Variants in CTLA4 observed in about 807,000 individuals in gnomAD.
CTLA4 encodes cytotoxic T-lymphocyte protein 4.
In CTLA4, 3 loss-of-function variants were observed where a neutral mutation model predicts 20.4. That is an observed-to-expected ratio of 0.15 (90% CI 0.07 to 0.38). The LOEUF is 0.38. Ranked by LOEUF, CTLA4 falls within the 10% of genes least tolerant of loss-of-function variation. The pLI, the probability that CTLA4 is intolerant of heterozygous loss-of-function variation, is 1.00. For missense variants in CTLA4, 184 were observed against 276.8 expected, an observed-to-expected ratio of 0.66 and a Z score of 2.38; for synonymous variants, 100 against 105.2, an observed-to-expected ratio of 0.95 and a Z score of 0.30.
At position 203,870,677 on chromosome 2, in the gene CTLA4, T is replaced by G. The variant is rs764639840; in HGVS notation, c.201T>G (p.Thr67=). The part of the protein sequence containing the change: ...VCEYASPGKA[T]EVRVTVLRQA... ...AGTATGCATCTCCAGGCAAAGCCAC[T>G]GAGGTCCGGGTGACAGTGCTTCGGC... Residue 67 remains threonine (T), a synonymous_variant, in exon 2 of 4, where the codon ACT becomes ACG. Coordinates refer to ENST00000648405, the MANE Select transcript of CTLA4 (RefSeq NM_005214.5). This position sits in a 1 kb window ranked among gnomAD's most constrained non-coding sequence, Gnocchi z 5.3. The G allele has an allele frequency of 6.2e-7, 1 of 1,614,180 alleles. No individual in the cohort carries two copies. The highest frequency in any genetic ancestry group is 1.1e-5 in the South Asian group (1 of 91,080).
In CTLA4 at chr2:203,870,776, T is replaced by C. The variant is rs1233838269; in HGVS notation, c.300T>C (p.Asp100=). 1 of 1,614,050 alleles carries C rather than the reference T, an allele frequency of 6.2e-7. No individual in the cohort carries two copies. Among genetic ancestry groups the C allele is most frequent in the Admixed American group, 1.7e-5 (1 of 60,006 alleles). Residue 100 remains aspartate (D), a synonymous_variant, in exon 2 of 4, where the codon GAT becomes GAC. Coordinates refer to ENST00000648405, the MANE Select transcript of CTLA4 (RefSeq NM_005214.5). This position sits in a 1 kb window ranked among gnomAD's most constrained non-coding sequence, Gnocchi z 5.3. ...GGAATGAGTTGACCTTCCTAGATGA[T>C]TCCATCTGCACGGGCACCTCCAGTG... ...MMGNELTFLD[D]SICTGTSSGN...
chr2:203,870,982 C>T lies in CTLA4; in HGVS notation c.457+49C>T, dbSNP rs1482472029. On this transcript the variant is annotated intron_variant, in intron 2 of 3. Transcript: ENST00000648405. This position sits in a 1 kb window ranked among gnomAD's most constrained non-coding sequence, Gnocchi z 5.3. The stretch of plus-strand genomic sequence containing the variant: ...TTGACACCTGTTGCATTGCAGTCTT[C>T]TATGCACAAAAACAGTTTTGTTCCT... The T allele has an allele frequency of 1.4e-6, 2 of 1,440,826 alleles. No homozygotes were observed. Among genetic ancestry groups the T allele is most frequent in the Middle Eastern group, 1.8e-4 (1 of 5,642 alleles). The allele number at this position is 1,440,826 out of a possible 1,614,324, so 89.3% of individuals were successfully genotyped here. A position where few individuals can be genotyped will look rare whatever the true frequency, so the allele number is the denominator to read the frequency against.
At chr2:203,871,207 T>C (rs1364529827) in intron 2 of CTLA4, among the ~76,000 whole-genome samples, 171 bp from the exon 3 acceptor site, 2 of 152,174 alleles carry the variant, frequency 1.3e-5, no homozygotes, top group East Asian at 3.9e-4. Flanking sequence ...GATATGATGC[T>C]CCTGGGGAAG....
chr2:203,868,120 C>T lies in CTLA4; in HGVS notation c.109+69C>T, dbSNP rs1042556106. 1.5e-5 allele frequency: 18 copies of T among 1,181,162 alleles called. No homozygotes were observed. In the Admixed American group the frequency reaches 1.8e-4, roughly 12 times the overall value. The allele number at this position is 1,181,162 out of a possible 1,614,324, so 73.2% of individuals were successfully genotyped here. A position where few individuals can be genotyped will look rare whatever the true frequency, so the allele number is the denominator to read the frequency against. On this transcript the variant is annotated intron_variant, in intron 1 of 3. Coordinates refer to ENST00000648405, the MANE Select transcript of CTLA4 (RefSeq NM_005214.5). ...CCTACCTGGGTTTCATTTGTTTCAG[C>T]AGTCAAAGGCAGTGATTTATAGCAA... is the stretch of plus-strand genomic sequence containing the variant.
At chr2:203,872,618 A>G (rs1688753638) in intron 3 of CTLA4, 90 bp from the exon 4 acceptor site, 1 of 729,120 alleles carries the variant, frequency 1.4e-6, no homozygotes, top group Non-Finnish European at 2.4e-6. Flanking sequence ...TTAACCAGCT[A>G]GGGACCCAAT....
rs770065318 is a variant in CTLA4, at chr2:203,870,788, G to A, written c.312G>A (p.Thr104=). 20 of 1,614,130 alleles carry A rather than the reference G, an allele frequency of 1.2e-5. No individual in the cohort carries two copies. Among genetic ancestry groups the A allele is most frequent in the Admixed American group, 8.3e-5 (5 of 60,020 alleles). Reference sequence around the variant, plus strand: ...CCTTCCTAGATGATTCCATCTGCACGGGCACCTCCAGTGGAAATCAAGTGA... The same window carrying A: ...CCTTCCTAGATGATTCCATCTGCACAGGCACCTCCAGTGGAAATCAAGTGA... The part of the protein sequence containing the change: ...ELTFLDDSIC[T]GTSSGNQVNL... The change falls in exon 2 of 4, where the codon ACG becomes ACA. Residue 104 remains threonine (T), a synonymous_variant. Transcript: ENST00000648405. The surrounding 1 kb of genome is among the most constrained non-coding windows in gnomAD (Gnocchi z 5.3).
At chr2:203,871,070 G>A (rs894284423) in intron 2 of CTLA4, 137 bp downstream of exon 2, 3 of 739,602 alleles carry the variant, frequency 4.1e-6, no homozygotes, top group African/African-American at 3.6e-5. Flanking sequence ...GTACCACATG[G>A]TAGCCTTGCT....
chr2:203,872,737 G>T lies in CTLA4; in HGVS notation c.597G>T (p.Gly199=), dbSNP rs749973402. Residue 199 remains glycine (G), a synonymous_variant, in exon 4 of 4, where the codon GGG becomes GGT. Coordinates refer to ENST00000648405, the MANE Select transcript of CTLA4 (RefSeq NM_005214.5). ...MLKKRSPLTT[G]VYVKMPPTEP... ...AGAAAAGAAGCCCTCTTACAACAGG[G>T]GTCTATGTGAAAATGCCCCCAACAG... 6.2e-7 allele frequency: 1 copy of T among 1,612,760 alleles called. No homozygotes were observed. The highest frequency in any genetic ancestry group is 8.5e-7 in the Non-Finnish European group (1 of 1,178,842).
At chr2:203,871,999 G>A (rs1224165006) in intron 3 of CTLA4, among the ~76,000 whole-genome samples, 3 of 152,138 alleles carry the variant, frequency 2.0e-5, no homozygotes, top group Admixed American at 6.5e-5. Flanking sequence ...TGACTGGGAC[G>A]TTTTGCCTTC....
At chr2:203,871,636 C>A in intron 3 of CTLA4, 149 bp downstream of exon 3, 1 of 661,362 alleles carries the variant, frequency 1.5e-6, no homozygotes, top group Non-Finnish European at 2.7e-6. Context: ...CGCACTAGAA[C>A]CGTAGGCATT....
intron 1 of CTLA4, 69 bp downstream of exon 1, chr2:203,868,120 C>A: frequency 1.7e-6 from 2 of 1,181,162 alleles, no homozygotes; most frequent in Non-Finnish European, 2.5e-6. Context: ...TTTGTTTCAG[C>A]AGTCAAAGGC....
Position 203,870,568 on chromosome 2 carries a change from T to G in CTLA4, c.110-18T>G. 2.5e-6 allele frequency: 4 copies of G among 1,609,814 alleles called. No homozygotes were observed. The highest frequency in any genetic ancestry group is 3.4e-6 in the Non-Finnish European group (4 of 1,176,902). ...GGAGCATGAGTTCACTGAGTTCCCTTTGGCTTTTCCATGCTAGCAATGCAC... is the reference window on the plus strand; with the variant it reads ...GGAGCATGAGTTCACTGAGTTCCCTGTGGCTTTTCCATGCTAGCAATGCAC... On this transcript the variant is annotated intron_variant, in intron 1 of 3. Coordinates refer to ENST00000648405, the MANE Select transcript of CTLA4 (RefSeq NM_005214.5). The surrounding 1 kb of genome is among the most constrained non-coding windows in gnomAD (Gnocchi z 5.3).
At chr2:203,872,665 G>A (rs754716487) in intron 3 of CTLA4, 43 bp from the exon 4 acceptor site, 56 of 1,262,246 alleles carry the variant, frequency 4.4e-5, no homozygotes, top group African/African-American at 4.3e-4. Context: ...AGTGGCTTCC[G>A]TATTCCTCAG....
In CTLA4 at chr2:203,869,379, G is replaced by A. The variant is rs560892426; in HGVS notation, c.110-1207G>A. Among the ~76,000 whole-genome samples, 43 of 152,352 alleles carry A rather than the reference G, an allele frequency of 2.8e-4. 2 individuals carry two copies. The South Asian group carries it at 5.6e-3, about 20-fold the overall frequency. Reference sequence around the variant, plus strand: ...GTGAGGGTTAGGGAAGGAAGCTGTAGTCTAGCTAGCTAGAGCTGCTGGAAT... The same window carrying A: ...GTGAGGGTTAGGGAAGGAAGCTGTAATCTAGCTAGCTAGAGCTGCTGGAAT... On this transcript the variant is annotated intron_variant, in intron 1 of 3. Coordinates refer to ENST00000648405, the MANE Select transcript of CTLA4 (RefSeq NM_005214.5).
At position 203,870,293 on chromosome 2, in the gene CTLA4, A is replaced by C. The variant is rs376644587; in HGVS notation, c.110-293A>C. ...GGAAGTGTGACTTGCCCCAAATCAC[A>C]TATTTCATGGTAGAGCCAGGTCTTC... On this transcript the variant is annotated intron_variant, in intron 1 of 3. Transcript: ENST00000648405. The surrounding 1 kb of genome is among the most constrained non-coding windows in gnomAD (Gnocchi z 5.3). The C allele has an allele frequency of 2.2e-6, 1 of 449,996 alleles. No individual in the cohort carries two copies. The highest frequency in any genetic ancestry group is 2.0e-5 in the African/African-American group (1 of 51,114). 27.9% of individuals were successfully genotyped at this position (449,996 alleles called of 1,614,324 possible). A position where few individuals can be genotyped will look rare whatever the true frequency, so the allele number is the denominator to read the frequency against.
In CTLA4 at chr2:203,870,481, G is replaced by A; in HGVS notation, c.110-105G>A. The stretch of plus-strand genomic sequence containing the variant: ...GTAAGTGATAGATTCGTTGAAGGGG[G>A]GAGAAAAGGCCGTGGGGATGAAGCT... On this transcript the variant is annotated intron_variant, in intron 1 of 3. Coordinates refer to ENST00000648405, the MANE Select transcript of CTLA4 (RefSeq NM_005214.5). The surrounding 1 kb of genome is among the most constrained non-coding windows in gnomAD (Gnocchi z 5.3). The A allele has an allele frequency of 1.6e-6, 2 of 1,215,444 alleles. No individual in the cohort carries two copies. Among genetic ancestry groups the A allele is most frequent in the Non-Finnish European group, 2.3e-6 (2 of 863,518 alleles). 75.3% of individuals were successfully genotyped at this position (1,215,444 alleles called of 1,614,324 possible).
rs867199306 is a variant in CTLA4 at position 203,873,094 on chromosome 2, A to G, written c.*282A>G. On this transcript the variant is annotated 3_prime_UTR_variant, in exon 4 of 4. Coordinates refer to ENST00000648405, the MANE Select transcript of CTLA4 (RefSeq NM_005214.5). ...GCAGCATTATGATGTGGGTCAAGGA[A>G]TTAAGTTAGGGAATGGCACAGCCCA... The G allele has an allele frequency of 2.6e-4, 143 of 542,064 alleles. No homozygotes were observed. Among genetic ancestry groups the G allele is most frequent in the Middle Eastern group, 9.5e-4 (2 of 2,104 alleles). The allele number at this position is 542,064 out of a possible 1,614,324, so 33.6% of individuals were successfully genotyped here.
rs943460449 is a variant in CTLA4 at position 203,870,854 on chromosome 2, C to G, written c.378C>G (p.Leu126=). 4 of 1,614,226 alleles carry G rather than the reference C, an allele frequency of 2.5e-6. No individual in the cohort carries two copies. Among genetic ancestry groups the G allele is most frequent in the Non-Finnish European group, 3.4e-6 (4 of 1,180,040 alleles). The change falls in exon 2 of 4, where the codon CTC becomes CTG. Residue 126 remains leucine (L), a synonymous_variant. Transcript: ENST00000648405. This position sits in a 1 kb window ranked among gnomAD's most constrained non-coding sequence, Gnocchi z 5.3. ...GACTGAGGGCCATGGACACGGGACT[C>G]TACATCTGCAAGGTGGAGCTCATGT... ...IQGLRAMDTG[L]YICKVELMYP... is the part of the protein sequence containing the mutation.
rs1031016454 is a variant in CTLA4 at position 203,873,159 on chromosome 2, G to T, written c.*347G>T. 2 of 418,418 alleles carry T rather than the reference G, an allele frequency of 4.8e-6. No individual in the cohort carries two copies. The highest frequency in any genetic ancestry group is 8.4e-6 in the Non-Finnish European group (2 of 236,882). The allele number at this position is 418,418 out of a possible 1,614,324, so 25.9% of individuals were successfully genotyped here. ...AGGGAGCGAGGGAGAAGACTATATTGTACACACCTTATATTTACGTATGAG... is the reference window on the plus strand; with the variant it reads ...AGGGAGCGAGGGAGAAGACTATATTTTACACACCTTATATTTACGTATGAG... On this transcript the variant is annotated 3_prime_UTR_variant, in exon 4 of 4. Coordinates refer to ENST00000648405, the MANE Select transcript of CTLA4 (RefSeq NM_005214.5).
Sources: gnomAD v4.1 joint callset for allele counts (sites outside exome capture counted in the v4.1 genomes callset) on GRCh38, gnomAD v4.1.1 for gene constraint, Gnocchi (gnomAD v3.1) non-coding constraint, MANE v1.5 for transcripts, NCBI Gene and HGNC (gene_info 2026-07-23, HGNC 2026-07-21) for gene names.